Variants in PDLIM3 observed in about 807,000 individuals in gnomAD.
PDLIM3 encodes PDZ and LIM domain 3, also known as PDZ and LIM domain protein 3.
A neutral mutation model predicts 37.3 loss-of-function variants in PDLIM3; 36 were observed. That is an observed-to-expected ratio of 0.97 (90% confidence interval 0.74 to 1.28). The LOEUF is 1.28. Among genes scored for constraint, PDLIM3 ranks in the 50% most tolerant of loss-of-function variants. PDLIM3 has a pLI of 0.00. For missense variants in PDLIM3, 454 were observed against 485.0 expected (o/e 0.94, Z 0.60); for synonymous variants, 174 against 182.4 (o/e 0.95, Z 0.37).
In PDLIM3 at chr4:185,504,438, C is replaced by A; in HGVS notation, c.905+37G>T. 6.6e-7 allele frequency: 1 copy of A among 1,506,284 alleles called. No homozygotes were observed. Among genetic ancestry groups the A allele is most frequent in the Non-Finnish European group, 9.2e-7 (1 of 1,082,812 alleles). The allele number at this position is 1,506,284 out of a possible 1,614,324, so 93.3% of individuals were successfully genotyped here. On this transcript the variant is annotated intron_variant, in intron 7 of 7. Transcript: ENST00000284767. The surrounding 1 kb of genome is among the most constrained non-coding windows in gnomAD (Gnocchi z 4.7). Reference sequence around the variant, plus strand: ...GGAGAAGAAATGAACTGTCGCCAAGCTGTATCGTAAATTCCAGGGTTAAAA... The same window carrying A: ...GGAGAAGAAATGAACTGTCGCCAAGATGTATCGTAAATTCCAGGGTTAAAA...
chr4:185,527,128 G>A (rs2095735676), intron 1 of PDLIM3, among the ~76,000 whole-genome samples: 1 of 152,144 alleles, frequency 6.6e-6, no homozygotes, highest in Admixed American at 6.6e-5. Flanking sequence ...ATTTGTCAGA[G>A]CTTATATAAA....
Position 185,514,861 on chromosome 4 carries a change from G to T in PDLIM3, c.331-524C>A, listed in dbSNP as rs1273683457. The T allele has an allele frequency of 6.4e-7, 1 of 1,551,480 alleles. No individual in the cohort carries two copies. The highest frequency in any genetic ancestry group is 8.7e-7 in the Non-Finnish European group (1 of 1,146,978). On this transcript the variant is annotated intron_variant, in intron 3 of 7. Transcript: ENST00000284767. This position sits in a 1 kb window ranked among gnomAD's most constrained non-coding sequence, Gnocchi z 4.0. ...CTGCAACAAAAGGCTGGGCCCTTCT[G>T]TTGTGCGCGGTACCAATGGGTTTGA...
At chr4:185,516,319 A>G (rs187969347) in intron 3 of PDLIM3, 2 of 152,386 alleles carry the variant, frequency 1.3e-5, no homozygotes, top group East Asian at 3.9e-4. Flanking sequence ...CCAGATTTGA[A>G]ATCGTACAAA....
At chr4:185,503,023 C>A (rs563905767) in intron 7 of PDLIM3, among the ~76,000 whole-genome samples, 1 of 152,026 alleles carries the variant, frequency 6.6e-6, no homozygotes, top group Admixed American at 6.5e-5. Flanking sequence ...GTCAGGAGAT[C>A]GAGACCATCC....
At chr4:185,506,793 T>G in intron 5 of PDLIM3, 141 bp from the exon 6 acceptor site, 84 of 702,494 alleles carry the variant, frequency 1.2e-4, no homozygotes, top group Non-Finnish European at 1.8e-4. Context: ...AGTGAATCTC[T>G]AGTATAGTTA....
intron 1 of PDLIM3, among the ~76,000 whole-genome samples, chr4:185,532,299 T>G (rs1421226453): frequency 6.6e-6 from 1 of 152,224 alleles, no homozygotes; most frequent in Non-Finnish European, 1.5e-5. Flanking sequence ...TGCTAGGCCC[T>G]GAATGGCCCC....
chr4:185,513,179 G>A (rs1174995768), intron 4 of PDLIM3: 2 of 985,272 alleles, frequency 2.0e-6, no homozygotes, highest in Non-Finnish European at 2.4e-6. Context: ...TTCTAGGGGG[G>A]GGAAGATGTG....
Position 185,513,531 on chromosome 4 carries a change from A to T in PDLIM3, c.398+739T>A, listed in dbSNP as rs1264586588. On this transcript the variant is annotated intron_variant, in intron 4 of 7. Coordinates refer to ENST00000284767, the MANE Select transcript of PDLIM3 (RefSeq NM_014476.6). ...GCACTTAAATTCTTTTTTTTTTTTT[A>T]AACAAAAGAATTAAATAAAACATGC... 10 of 963,000 alleles carry T rather than the reference A, an allele frequency of 1.0e-5. No homozygotes were observed. In the African/African-American group the frequency reaches 1.6e-4, roughly 15 times the overall value. 59.7% of individuals were successfully genotyped at this position (963,000 alleles called of 1,614,324 possible).
In PDLIM3 at chr4:185,504,338, T is replaced by G; in HGVS notation, c.905+137A>C. The stretch of plus-strand genomic sequence containing the variant: ...AGTGACAGTCACAATGTGCTAAATG[T>G]TGGGGACCTTACGTTTCAAGTTGAT... On this transcript the variant is annotated intron_variant, in intron 7 of 7. Coordinates refer to ENST00000284767, the MANE Select transcript of PDLIM3 (RefSeq NM_014476.6). This position sits in a 1 kb window ranked among gnomAD's most constrained non-coding sequence, Gnocchi z 4.7. 1 of 716,658 alleles carries G rather than the reference T, an allele frequency of 1.4e-6. No individual in the cohort carries two copies. The highest frequency in any genetic ancestry group is 2.5e-6 in the Non-Finnish European group (1 of 401,974). The allele number at this position is 716,658 out of a possible 1,614,324, so 44.4% of individuals were successfully genotyped here.
chr4:185,509,466 C>T (rs2095703244), intron 4 of PDLIM3, among the ~76,000 whole-genome samples: 1 of 152,090 alleles, frequency 6.6e-6, no homozygotes, highest in African/African-American at 2.4e-5. Context: ...ACATCAAAGG[C>T]CAGTCATGCA....
At position 185,502,356 on chromosome 4, in the gene PDLIM3, C is replaced by T. The variant is rs373408599; in HGVS notation, c.1033G>A (p.Ala345Thr). The part of the protein sequence containing the change: ...IEGELYCETH[A>T]RARTKPPEGY... Reference sequence around the variant, plus strand: ...TCTGGGGGCTTTGTGCGGGCTCTTGCGTGGGTTTCGCAGTACAGCTCCCCT... The same window carrying T: ...TCTGGGGGCTTTGTGCGGGCTCTTGTGTGGGTTTCGCAGTACAGCTCCCCT... Residue 345 changes from alanine (A) to threonine (T), a missense_variant, in exon 8 of 8, where the codon GCA (alanine) becomes ACA (threonine). Physicochemically the swap from Ala to Thr is moderately conservative, Grantham distance 58 (BLOSUM62 0). Transcript: ENST00000284767. The T allele has an allele frequency of 2.5e-5, 40 of 1,614,100 alleles. No individual in the cohort carries two copies. The highest frequency in any genetic ancestry group is 2.8e-5 in the Non-Finnish European group (33 of 1,180,044).
intron 7 of PDLIM3, among the ~76,000 whole-genome samples, chr4:185,503,585 C>G (rs964443441): frequency 6.6e-6 from 1 of 152,188 alleles, no homozygotes; most frequent in African/African-American, 2.4e-5. Context: ...CCACATGGCA[C>G]GAATGCCATG....
At chr4:185,523,584 A>C in intron 2 of PDLIM3, 138 bp from the exon 3 acceptor site, 1 of 549,020 alleles carries the variant, frequency 1.8e-6, no homozygotes, top group Non-Finnish European at 3.2e-6. Context: ...TTTTTTGCTG[A>C]TTATTCTGTA....
chr4:185,508,246 C>A (rs1357809737), intron 5 of PDLIM3, 53 bp downstream of exon 5: 1 of 1,558,374 alleles, frequency 6.4e-7, no homozygotes, highest in Non-Finnish European at 8.9e-7. Flanking sequence ...GTAAAGCTGA[C>A]ATTGCCCACG....
chr4:185,514,264 T>C lies in PDLIM3; in HGVS notation c.398+6A>G. 6.2e-7 allele frequency: 1 copy of C among 1,614,254 alleles called. No individual in the cohort carries two copies. Among genetic ancestry groups the C allele is most frequent in the Non-Finnish European group, 8.5e-7 (1 of 1,180,034 alleles). On this transcript the variant is annotated splice_donor_region_variant and intron_variant, in intron 4 of 7. Transcript: ENST00000284767. The surrounding 1 kb of genome is among the most constrained non-coding windows in gnomAD (Gnocchi z 4.0). ...CTGCAAACTCCACAGTCTCAGCGCT[T>C]ATGACCTGCTTCGGCCCGGGATCAC...
chr4:185,527,077 T>C (rs987866431), intron 1 of PDLIM3, among the ~76,000 whole-genome samples: 3 of 152,240 alleles, frequency 2.0e-5, no homozygotes, highest in African/African-American at 7.2e-5. Flanking sequence ...TCACAGTGTA[T>C]ACCCCAGTAT....
intron 7 of PDLIM3, among the ~76,000 whole-genome samples, chr4:185,503,035 GGC>G (rs2095689816): frequency 6.6e-6 from 1 of 152,086 alleles, no homozygotes; most frequent in Non-Finnish European, 1.5e-5. Context: ...AGACCATCCT[GGC>G]TAACACGGTG....
At position 185,502,313 on chromosome 4, in the gene PDLIM3, G is replaced by A; in HGVS notation, c.1076C>T (p.Thr359Ile). ...AGAGACTTAAGCTTTGGGATACAGAGTGACCGTGTCATAGCCCTCTGGGGG... is the reference window on the plus strand; with the variant it reads ...AGAGACTTAAGCTTTGGGATACAGAATGACCGTGTCATAGCCCTCTGGGGG... Reference protein sequence around the residue: ...TKPPEGYDTVTLYPKA With the variant: ...TKPPEGYDTVILYPKA The change falls in exon 8 of 8, where the codon ACT becomes ATT. Residue 359 changes from threonine (T) to isoleucine (I), a missense_variant. By Grantham distance (89) the Thr-to-Ile change is moderately conservative (BLOSUM62 -1). Coordinates refer to ENST00000284767, the MANE Select transcript of PDLIM3 (RefSeq NM_014476.6). 9 of 1,614,258 alleles carry A rather than the reference G, an allele frequency of 5.6e-6. No individual in the cohort carries two copies. Among genetic ancestry groups the A allele is most frequent in the Non-Finnish European group, 7.6e-6 (9 of 1,180,044 alleles).
rs186930432 is a variant in PDLIM3 at position 185,511,719 on chromosome 4, G to A, written c.398+2551C>T. 2.8e-3 allele frequency among the ~76,000 whole-genome samples: 424 copies of A among 152,234 alleles called. 1 individual carries two copies. Among genetic ancestry groups the A allele is most frequent in the African/African-American group, 9.7e-3 (402 of 41,534 alleles). The stretch of plus-strand genomic sequence containing the variant: ...TTCATTAACAGTGTAGTTACAGGGT[G>A]ACTATAGTTAACAACAATTATTTGT... On this transcript the variant is annotated intron_variant, in intron 4 of 7. Coordinates refer to ENST00000284767, the MANE Select transcript of PDLIM3 (RefSeq NM_014476.6).
Sources: gnomAD v4.1 joint callset for allele counts (sites outside exome capture counted in the v4.1 genomes callset) on GRCh38, gnomAD v4.1.1 for gene constraint, Gnocchi (gnomAD v3.1) non-coding constraint, MANE v1.5 for transcripts, NCBI Gene and HGNC (gene_info 2026-07-23, HGNC 2026-07-21) for gene names.